Variants in GFRA2 observed in about 807,000 individuals in gnomAD.
The protein encoded by GFRA2 is GDNF family receptor alpha 2.
Under a neutral mutation model 48.3 loss-of-function variants are expected in GFRA2, and 17 were observed. The observed-to-expected ratio is 0.35, with a 90% CI of 0.24 to 0.53. The LOEUF (loss-of-function observed/expected upper bound fraction) is 0.53, where lower values mean the gene tolerates loss of function less well. Ranked by LOEUF, GFRA2 falls within the 20% of genes least tolerant of loss-of-function variation. The pLI is 0.93. For synonymous variants in GFRA2, 305 were observed against 257.2 expected (o/e 1.19, Z -1.78); for missense variants, 660 against 637.3 (o/e 1.04, Z -0.38).
intron 2 of GFRA2, among the ~76,000 whole-genome samples, chr8:21,778,979 T>C (rs1044712558): frequency 5.9e-5 from 9 of 151,908 alleles, no homozygotes; most frequent in Admixed American, 1.3e-4. Context: ...GACACAAGGA[T>C]TGCTTGAGCT....
chr8:21,695,415 C>G (rs1259833029), intron 7 of GFRA2, among the ~76,000 whole-genome samples: 1 of 152,128 alleles, frequency 6.6e-6, no homozygotes, highest in Non-Finnish European at 1.5e-5. Flanking sequence ...AATCACTGCC[C>G]TCGGCCAGAA....
At chr8:21,736,564 T>C (rs765056543) in intron 4 of GFRA2, among the ~76,000 whole-genome samples, 4 of 152,072 alleles carry the variant, frequency 2.6e-5, no homozygotes, top group Non-Finnish European at 2.9e-5. Context: ...GGCAAGATCA[T>C]AGCTCACAGC....
At position 21,719,185 on chromosome 8, in the gene GFRA2, T is replaced by C. The variant is rs560085793; in HGVS notation, c.795-13144A>G. ...CCCAGCCACCAACAAGAGACCAATA[T>C]GCCACCCAGAGCAGGGGGTCCAAGT... On this transcript the variant is annotated intron_variant, in intron 4 of 8. Coordinates refer to ENST00000524240, the MANE Select transcript of GFRA2 (RefSeq NM_001495.5). 2.6e-5 allele frequency among the ~76,000 whole-genome samples: 4 copies of C among 152,000 alleles called. No individual in the cohort carries two copies. In the East Asian group the frequency reaches 7.7e-4, roughly 29 times the overall value.
At chr8:21,745,648 C>T (rs1471019313) in intron 4 of GFRA2, among the ~76,000 whole-genome samples, 6 of 152,220 alleles carry the variant, frequency 3.9e-5, no homozygotes, top group Admixed American at 1.3e-4. Context: ...CAGTCGAGAG[C>T]CATGACCCAG....
intron 4 of GFRA2, among the ~76,000 whole-genome samples, chr8:21,748,523 C>A (rs1805120552): frequency 6.6e-6 from 1 of 152,146 alleles, no homozygotes; most frequent in African/African-American, 2.4e-5. Context: ...CTGAAATAAT[C>A]CAGTTTTCTC....
At chr8:21,734,026 T>C (rs1804331065) in intron 4 of GFRA2, among the ~76,000 whole-genome samples, 1 of 152,186 alleles carries the variant, frequency 6.6e-6, no homozygotes, top group South Asian at 2.1e-4. Context: ...GCCTGAGTCC[T>C]CATGGAGAAA....
intron 1 of GFRA2, among the ~76,000 whole-genome samples, chr8:21,783,408 C>A (rs1807111153): frequency 6.6e-6 from 1 of 152,116 alleles, no homozygotes; most frequent in South Asian, 2.1e-4. Context: ...CCTGTTAGGA[C>A]CTTATAGACA....
chr8:21,787,207 A>C (rs565112827), intron 1 of GFRA2, among the ~76,000 whole-genome samples: 1 of 144,094 alleles, frequency 6.9e-6, no homozygotes, highest in South Asian at 2.3e-4. Flanking sequence ...TGTGGAAAAG[A>C]AACTGCGTGG....
chr8:21,726,368 C>A (rs868771746), intron 4 of GFRA2, among the ~76,000 whole-genome samples: 7 of 152,222 alleles, frequency 4.6e-5, no homozygotes, highest in Admixed American at 3.3e-4. Context: ...CTGGTGACAG[C>A]CCCTGGAGAA....
intron 3 of GFRA2, among the ~76,000 whole-genome samples, chr8:21,755,607 G>T (rs1333588225): frequency 6.6e-6 from 1 of 151,582 alleles, no homozygotes; most frequent in African/African-American, 2.4e-5. Context: ...AGTCAGGTGT[G>T]GAGAGAAAAG....
intron 5 of GFRA2, 102 bp downstream of exon 5, chr8:21,705,830 G>T: frequency 1.4e-6 from 1 of 723,536 alleles, no homozygotes; most frequent in Non-Finnish European, 2.3e-6. Flanking sequence ...GCCGGGCTCA[G>T]GCTGTCTCCC....
At position 21,761,308 on chromosome 8, in the gene GFRA2, C is replaced by T. The variant is rs78065726; in HGVS notation, c.440-10366G>A. 7.3e-3 allele frequency among the ~76,000 whole-genome samples: 1,116 copies of T among 152,320 alleles called. 9 individuals are homozygous for T. Among genetic ancestry groups the T allele is most frequent in the Non-Finnish European group, 0.01 (688 of 68,028 alleles). Reference sequence around the variant, plus strand: ...GTAAGGCTGGATTGACGAATAAAACCACCAAGTCACCTGCCATCCTGGGGC... The same window carrying T: ...GTAAGGCTGGATTGACGAATAAAACTACCAAGTCACCTGCCATCCTGGGGC... On this transcript the variant is annotated intron_variant, in intron 3 of 8. Coordinates refer to ENST00000524240, the MANE Select transcript of GFRA2 (RefSeq NM_001495.5).
At chr8:21,767,267 CAT>C (rs1475430647) in intron 3 of GFRA2, among the ~76,000 whole-genome samples, 7 of 151,508 alleles carry the variant, frequency 4.6e-5, no homozygotes, top group African/African-American at 1.5e-4. Flanking sequence ...ACCACCACCA[CAT>C]ACACACACAC....
At chr8:21,793,452 G>A (rs1423545006), upstream of GFRA2, among the ~76,000 whole-genome samples, 2 of 152,098 alleles carry the variant, frequency 1.3e-5, no homozygotes, top group Non-Finnish European at 1.5e-5. Flanking sequence ...AGGGAGAGTC[G>A]CCAGGCCAAG....
chr8:21,736,477 A>G (rs1174382030), intron 4 of GFRA2, among the ~76,000 whole-genome samples: 1 of 151,964 alleles, frequency 6.6e-6, no homozygotes, highest in Non-Finnish European at 1.5e-5. Context: ...CTTTAGGTAT[A>G]CCTTTCTGTC....
At chr8:21,707,447 AG>A (rs1472522544) in intron 4 of GFRA2, among the ~76,000 whole-genome samples, 4 of 152,278 alleles carry the variant, frequency 2.6e-5, no homozygotes, top group Non-Finnish European at 5.9e-5. Flanking sequence ...GTGCCTGCTG[AG>A]GGGGCCCCCA....
chr8:21,751,262 A>G (rs951359340), intron 3 of GFRA2, among the ~76,000 whole-genome samples: 12 of 152,232 alleles, frequency 7.9e-5, no homozygotes, highest in African/African-American at 2.7e-4. Flanking sequence ...CCAGGTGTGT[A>G]TGGCCCTGTT....
rs544087517 is a variant in GFRA2, at chr8:21,751,538, C to G, written c.440-596G>C. Reference sequence around the variant, plus strand: ...GGGGCCTGCCCAAGGTTGCCCAGCACAGGAACCCGAGTCACACCCAGTAGT... The same window carrying G: ...GGGGCCTGCCCAAGGTTGCCCAGCAGAGGAACCCGAGTCACACCCAGTAGT... On this transcript the variant is annotated intron_variant, in intron 3 of 8. Transcript: ENST00000524240. Among the ~76,000 whole-genome samples the G allele has an allele frequency of 7.4e-4, 112 of 152,348 alleles. 1 individual carries two copies. The highest frequency in any genetic ancestry group is 2.6e-3 in the African/African-American group (109 of 41,578).
Position 21,786,277 on chromosome 8 carries a change from G to A in GFRA2, c.40+1843C>T, listed in dbSNP as rs901299593. ...GAAAGGTGGACTCCTTAGCCTGCCC[G>A]GCTGGAGAAAGCCTGCCTGCAATGA... On this transcript the variant is annotated intron_variant, in intron 1 of 8. Coordinates refer to ENST00000524240, the MANE Select transcript of GFRA2 (RefSeq NM_001495.5). 7.2e-5 allele frequency among the ~76,000 whole-genome samples: 11 copies of A among 152,254 alleles called. No individual in the cohort carries two copies. The South Asian group carries it at 1.2e-3, about 17-fold the overall frequency.
Sources: gnomAD v4.1 joint callset for allele counts (sites outside exome capture counted in the v4.1 genomes callset) on GRCh38, gnomAD v4.1.1 for gene constraint, MANE v1.5 for transcripts, NCBI Gene and HGNC (gene_info 2026-07-23, HGNC 2026-07-21) for gene names.